MROH1: variants seen among roughly 807,000 people sequenced by gnomAD.
MROH1 encodes the protein maestro heat like repeat family member 1.
In MROH1, 117 loss-of-function variants were observed where a neutral mutation model predicts 116.5. That is an observed-to-expected ratio of 1.00 (90% CI 0.86 to 1.17). The LOEUF (loss-of-function observed/expected upper bound fraction) is 1.17. MROH1 is among the 50% of genes most tolerant of loss of function. The pLI is 0.00. For missense variants in MROH1, 1,873 were observed against 1,338.5 expected (o/e 1.40, Z -6.23); for synonymous variants, 921 against 583.9 (o/e 1.58, Z -8.32).
chr8:144,197,527 C>T (rs1178886196), intron 10 of MROH1, among the ~76,000 whole-genome samples: 2 of 147,062 alleles, frequency 1.4e-5, no homozygotes, highest in African/African-American at 5.1e-5. Context: ...GCTCTGCCTC[C>T]CCGGTTCACG....
intron 26 of MROH1, 30 bp from the exon 27 acceptor site, chr8:144,244,192 A>G (rs1841491925): frequency 1.4e-6 from 1 of 715,744 alleles, no homozygotes; most frequent in Non-Finnish European, 2.6e-6. Context: ...CCTTAGGATC[A>G]TTGTCTGGGG....
chr8:144,162,808 C>T (rs553945763), intron 2 of MROH1, among the ~76,000 whole-genome samples: 5 of 66,850 alleles, frequency 7.5e-5, no homozygotes, highest in East Asian at 1.9e-3. Context: ...CTACAACCTC[C>T]GCTTCCCAGG....
At chr8:144,194,167 A>G (rs915367986) in intron 10 of MROH1, among the ~76,000 whole-genome samples, 1 of 151,972 alleles carries the variant, frequency 6.6e-6, no homozygotes, top group African/African-American at 2.4e-5. Flanking sequence ...GGTTTAAGCA[A>G]TTCTCTTGCC....
chr8:144,254,533 A>G, intron 33 of MROH1: 1 of 371,134 alleles, frequency 2.7e-6, no homozygotes, highest in Non-Finnish European at 4.9e-6. Context: ...CCCTCCCAGT[A>G]GCTCCCCAGG....
At position 144,260,667 on chromosome 8, in the gene MROH1, T is replaced by C; in HGVS notation, c.4381-10T>C. 1.3e-6 allele frequency: 1 copy of C among 778,414 alleles called. No homozygotes were observed. The highest frequency in any genetic ancestry group is 2.4e-6 in the Non-Finnish European group (1 of 417,762). The allele number at this position is 778,414 out of a possible 1,614,324, so 48.2% of individuals were successfully genotyped here. A position where few individuals can be genotyped will look rare whatever the true frequency, so the allele number is the denominator to read the frequency against. ...CCTGTGAGGAGACGTATGCTGCATG[T>C]CCTTCCCAGGAGAAGATGGAGTTCC... On this transcript the variant is annotated splice_polypyrimidine_tract_variant and intron_variant, in intron 39 of 43. Coordinates refer to ENST00000326134, the MANE Select transcript of MROH1 (RefSeq NM_032450.3).
intron 37 of MROH1, among the ~76,000 whole-genome samples, 156 bp downstream of exon 37, chr8:144,259,510 C>T (rs1309274674): frequency 1.3e-5 from 2 of 152,132 alleles, no homozygotes; most frequent in African/African-American, 4.8e-5. Flanking sequence ...CATGCCAGAA[C>T]TCACTCAGTC....
intron 4 of MROH1, chr8:144,174,741 C>T (rs1224664225): frequency 1.3e-6 from 1 of 762,064 alleles, no homozygotes; most frequent in Non-Finnish European, 1.6e-6. Flanking sequence ...CCTTGGCCTC[C>T]CAAAGTGCTG....
intron 37 of MROH1, 75 bp downstream of exon 37, chr8:144,259,429 C>T: frequency 1.4e-6 from 1 of 709,570 alleles, no homozygotes; most frequent in Non-Finnish European, 2.6e-6. Flanking sequence ...ATGCCCTTTT[C>T]TTACCCCTAA....
At chr8:144,234,682 A>C (rs1473459289) in intron 14 of MROH1, among the ~76,000 whole-genome samples, 2 of 142,238 alleles carry the variant, frequency 1.4e-5, no homozygotes, top group African/African-American at 5.2e-5. Context: ...ATGTCTGGCT[A>C]ATTTTTTTTT....
At chr8:144,198,128 T>G (rs1005407011) in intron 10 of MROH1, among the ~76,000 whole-genome samples, 2 of 151,790 alleles carry the variant, frequency 1.3e-5, no homozygotes, top group African/African-American at 4.8e-5. Context: ...GGCCAGCTCC[T>G]CCACCTCGCA....
At chr8:144,193,963 G>T (rs1829250611) in intron 10 of MROH1, among the ~76,000 whole-genome samples, 1 of 152,084 alleles carries the variant, frequency 6.6e-6, no homozygotes. Context: ...ACATCGCAAG[G>T]CCTATCCAGC....
chr8:144,189,501 C>T (rs1828019770), intron 7 of MROH1, among the ~76,000 whole-genome samples: 1 of 152,200 alleles, frequency 6.6e-6, no homozygotes, highest in South Asian at 2.1e-4. Context: ...TGTTTTCTGA[C>T]TCTCCACCCA....
intron 10 of MROH1, 124 bp downstream of exon 10, chr8:144,192,525 G>C (rs1186639956): frequency 1.2e-6 from 1 of 809,098 alleles, no homozygotes; most frequent in Admixed American, 2.0e-5. Flanking sequence ...TGAGGACTGG[G>C]CATTCCCTGA....
chr8:144,258,677 C>T (rs1392369425), intron 35 of MROH1, 100 bp from the exon 36 acceptor site: 4 of 697,632 alleles, frequency 5.7e-6, no homozygotes, highest in African/African-American at 3.5e-5. Context: ...GGGCTAGCCA[C>T]CAGGTGGGCA....
At chr8:144,157,425 T>C (rs2130723697) in intron 1 of MROH1, among the ~76,000 whole-genome samples, 1 of 152,276 alleles carries the variant, frequency 6.6e-6, no homozygotes, top group East Asian at 1.9e-4. Context: ...CTCAGAAAAT[T>C]AGTTGGGAAG....
At chr8:144,232,216 G>A (rs1249565706) in intron 14 of MROH1, among the ~76,000 whole-genome samples, 16 of 151,822 alleles carry the variant, frequency 1.1e-4, no homozygotes, top group African/African-American at 2.7e-4. Context: ...TACCCTTCCC[G>A]GCCTCTGGTA....
intron 12 of MROH1, among the ~76,000 whole-genome samples, chr8:144,218,675 C>CCTCTCCCCTCCCCT (rs1835841245): frequency 9.9e-6 from 1 of 101,332 alleles, no homozygotes; most frequent in African/African-American, 3.9e-5. Context: ...CCTCCCGTCC[C>CCTCTCCCCTCCCCT]CTCTCCCCTC....
At chr8:144,199,337 T>C in intron 11 of MROH1, 137 bp downstream of exon 11, 1 of 845,674 alleles carries the variant, frequency 1.2e-6, no homozygotes, top group Non-Finnish European at 1.9e-6. Flanking sequence ...CTCCTGGGCC[T>C]ACCTGTGGCT....
At chr8:144,177,799 G>C (rs112847342) in intron 4 of MROH1, among the ~76,000 whole-genome samples, 2,118 of 151,872 alleles carry the variant, frequency 0.014, 34 homozygotes, top group African/African-American at 0.046. Context: ...CTCCTCCTCT[G>C]TCTTCCTCCT....
Sources: gnomAD v4.1 joint callset for allele counts (sites outside exome capture counted in the v4.1 genomes callset) on GRCh38, gnomAD v4.1.1 for gene constraint, MANE v1.5 for transcripts, NCBI Gene and HGNC (gene_info 2026-07-23, HGNC 2026-07-21) for gene names.